DLG2: variants seen among roughly 807,000 people sequenced by gnomAD.
The protein encoded by DLG2 is discs large MAGUK scaffold protein 2, also known as disks large homolog 2.
DLG2 carries 45 observed loss-of-function variants against 132.5 expected under a neutral mutation model. The observed-to-expected ratio is 0.34, with a 90% CI of 0.27 to 0.44. The LOEUF (loss-of-function observed/expected upper bound fraction) is 0.44. DLG2 is among the 20% of genes least tolerant of loss of function. The pLI is 1.00. For missense variants in DLG2, 1,045 were observed against 1,196.9 expected, an observed-to-expected ratio of 0.87 and a Z score of 1.87; for synonymous variants, 424 against 419.6, an observed-to-expected ratio of 1.01 and a Z score of -0.13.
At chr11:84,517,137 G>A (rs1464915414) in intron 7 of DLG2, among the ~76,000 whole-genome samples, 1 of 144,726 alleles carries the variant, frequency 6.9e-6, no homozygotes, top group African/African-American at 2.5e-5. Context: ...GGAAAAAAAA[G>A]CAAAAATAGA....
At chr11:84,614,807 T>C (rs184466817) in intron 6 of DLG2, among the ~76,000 whole-genome samples, 1 of 152,276 alleles carries the variant, frequency 6.6e-6, no homozygotes, top group Non-Finnish European at 1.5e-5. Context: ...ATTACCGTTA[T>C]TTTGTCTTGC....
chr11:84,784,278 C>A (rs956195126), intron 6 of DLG2, among the ~76,000 whole-genome samples: 1 of 148,032 alleles, frequency 6.8e-6, no homozygotes, highest in Non-Finnish European at 1.5e-5. Context: ...CGAGATTGCA[C>A]CATTGCATTT....
chr11:84,838,193 T>C (rs1235017171), intron 6 of DLG2, among the ~76,000 whole-genome samples: 1 of 151,856 alleles, frequency 6.6e-6, no homozygotes, highest in Non-Finnish European at 1.5e-5. Flanking sequence ...TTTATATACC[T>C]CAAATTACCA....
At chr11:85,353,050 A>C (rs1219964562) in intron 3 of DLG2, among the ~76,000 whole-genome samples, 3 of 152,228 alleles carry the variant, frequency 2.0e-5, no homozygotes, top group African/African-American at 4.8e-5. Context: ...GTGAACAGGC[A>C]ACCTATAGAA....
At chr11:84,734,591 A>T (rs2063581670) in intron 6 of DLG2, among the ~76,000 whole-genome samples, 1 of 152,152 alleles carries the variant, frequency 6.6e-6, no homozygotes, top group Admixed American at 6.5e-5. Context: ...AGACAGGGAC[A>T]ATTTGACTTC....
intron 21 of DLG2, among the ~76,000 whole-genome samples, chr11:83,514,789 A>G (rs1353944954): frequency 2.0e-5 from 3 of 152,106 alleles, no homozygotes; most frequent in Non-Finnish European, 4.4e-5. Flanking sequence ...TGAGACAATC[A>G]TGTGGTTTTT....
chr11:85,036,712 C>G (rs975740855), intron 6 of DLG2, among the ~76,000 whole-genome samples: 1 of 152,122 alleles, frequency 6.6e-6, no homozygotes, highest in Non-Finnish European at 1.5e-5. Context: ...CAATATCTTT[C>G]TTTCTTAAAA....
intron 7 of DLG2, among the ~76,000 whole-genome samples, chr11:84,352,694 G>A (rs1003150561): frequency 6.6e-6 from 1 of 152,158 alleles, no homozygotes; most frequent in Non-Finnish European, 1.5e-5. Context: ...TATTTTTAAT[G>A]TCTTAAAATA....
rs367948676 is a variant in DLG2, at chr11:84,957,929, C to G, written c.357+153732G>C. 1.2e-4 allele frequency among the ~76,000 whole-genome samples: 19 copies of G among 152,234 alleles called. 1 individual carries two copies. The South Asian group carries it at 2.3e-3, about 18-fold the overall frequency. ...AGTGGAGGCATAAATTGGAACAATA[C>G]ACTTGTGCATAAGGAGACTGAGGGT... On this transcript the variant is annotated intron_variant, in intron 6 of 27. Transcript: ENST00000376104.
chr11:84,530,293 G>A (rs917913810), intron 7 of DLG2, among the ~76,000 whole-genome samples: 3 of 152,140 alleles, frequency 2.0e-5, no homozygotes, highest in South Asian at 2.1e-4. Flanking sequence ...TTTGACAAAC[G>A]GGACCTAATT....
chr11:83,480,549 G>C, intron 22 of DLG2: 2 of 1,535,782 alleles, frequency 1.3e-6, no homozygotes, highest in Non-Finnish European at 1.8e-6. Context: ...GCTGCATTAA[G>C]AAAACTCAGA....
rs1473371663 is a variant in DLG2, at chr11:85,232,823, A to AAAGACAGG, written c.186+52389_186+52396dup. Among the ~76,000 whole-genome samples the AAAGACAGG allele has an allele frequency of 3.3e-5, 5 of 152,024 alleles. No homozygotes were observed. The East Asian group carries it at 9.7e-4, about 29-fold the overall frequency. ...TAATAGGAATATGCTTAACACATGG[A>AAAGACAGG]AAGACAGGAAGCCCTGTCACAGCTT... On this transcript the variant is annotated intron_variant, in intron 4 of 27. Transcript: ENST00000376104.
At chr11:84,978,820 T>C (rs1043508119) in intron 6 of DLG2, among the ~76,000 whole-genome samples, 2 of 152,142 alleles carry the variant, frequency 1.3e-5, no homozygotes, top group Non-Finnish European at 2.9e-5. Flanking sequence ...AAATGGGATC[T>C]AATTAAACTA....
At chr11:85,496,328 C>T in intron 3 of DLG2, among the ~76,000 whole-genome samples, 1 of 152,150 alleles carries the variant, frequency 6.6e-6, no homozygotes, top group Non-Finnish European at 1.5e-5. Flanking sequence ...TGACCTGGGA[C>T]ACGGGAGCTT....
intron 7 of DLG2, among the ~76,000 whole-genome samples, chr11:84,420,773 A>G (rs1199636671): frequency 7.0e-6 from 1 of 141,860 alleles, no homozygotes; most frequent in Non-Finnish European, 1.5e-5. Context: ...GGTTCACGCC[A>G]TTCTCCTGCC....
chr11:84,293,596 C>T (rs141026360), intron 7 of DLG2, among the ~76,000 whole-genome samples: 133 of 152,288 alleles, frequency 8.7e-4, no homozygotes, highest in African/African-American at 3.0e-3. Flanking sequence ...ATTGCTGGAA[C>T]CTGGGATGCG....
intron 21 of DLG2, among the ~76,000 whole-genome samples, chr11:83,498,148 A>G (rs902132302): frequency 2.6e-5 from 4 of 152,140 alleles, no homozygotes; most frequent in African/African-American, 9.6e-5. Context: ...ATGAAGTGTT[A>G]TGGGCATAGA....
At chr11:84,946,413 A>C (rs2050203723) in intron 6 of DLG2, among the ~76,000 whole-genome samples, 1 of 152,096 alleles carries the variant, frequency 6.6e-6, no homozygotes, top group South Asian at 2.1e-4. Flanking sequence ...TCAAGAGCTC[A>C]TTAGTCAGCA....
chr11:85,001,608 A>C (rs529702690), intron 6 of DLG2, among the ~76,000 whole-genome samples: 34 of 152,196 alleles, frequency 2.2e-4, no homozygotes, highest in Non-Finnish European at 4.4e-4. Flanking sequence ...AGCTTTTAAA[A>C]ATTACTGATA....
Sources: gnomAD v4.1 joint callset for allele counts (sites outside exome capture counted in the v4.1 genomes callset) on GRCh38, gnomAD v4.1.1 for gene constraint, MANE v1.5 for transcripts, NCBI Gene and HGNC (gene_info 2026-07-23, HGNC 2026-07-21) for gene names.